Variants in BICC1 observed in about 807,000 individuals in gnomAD.
BICC1 encodes the protein BicC family RNA binding protein 1, also known as protein bicaudal C homolog 1.
In BICC1, 43 loss-of-function variants were observed where a neutral mutation model predicts 111.0. The ratio of observed to expected loss-of-function variants is 0.39; its 90% CI spans 0.30 to 0.50. BICC1 has a LOEUF of 0.50. Ranked by LOEUF, BICC1 falls within the 20% of genes least tolerant of loss-of-function variation. BICC1 has a pLI of 0.88. For synonymous variants in BICC1, 467 were observed against 434.4 expected, an observed-to-expected ratio of 1.07 and a Z score of -0.93; for missense variants, 1,091 against 1,203.2, an observed-to-expected ratio of 0.91 and a Z score of 1.38.
intron 3 of BICC1, among the ~76,000 whole-genome samples, chr10:58,780,538 A>G (rs1229560227): frequency 4.6e-5 from 7 of 152,178 alleles, no homozygotes; most frequent in Admixed American, 1.3e-4. Context: ...TCTATAGCAC[A>G]TTACTCTCTG....
chr10:58,584,805 A>C (rs1271911783), intron 1 of BICC1, among the ~76,000 whole-genome samples: 1 of 151,958 alleles, frequency 6.6e-6, no homozygotes, highest in Non-Finnish European at 1.5e-5. Context: ...TTTTCTTAGC[A>C]CAATGACAGT....
At chr10:58,524,512 A>G (rs1842477754) in intron 1 of BICC1, among the ~76,000 whole-genome samples, 1 of 152,242 alleles carries the variant, frequency 6.6e-6, no homozygotes, top group Non-Finnish European at 1.5e-5. Flanking sequence ...GAAAGCTGAA[A>G]CTGGATCCCT....
intron 2 of BICC1, among the ~76,000 whole-genome samples, chr10:58,631,407 A>T (rs977410610): frequency 5.9e-5 from 9 of 151,788 alleles, no homozygotes; most frequent in African/African-American, 1.9e-4. Context: ...TTTTTTTTAA[A>T]TTCATTGGAT....
At chr10:58,581,998 T>C (rs1416346035) in intron 1 of BICC1, among the ~76,000 whole-genome samples, 5 of 152,160 alleles carry the variant, frequency 3.3e-5, no homozygotes, top group South Asian at 2.1e-4. Flanking sequence ...CATGCATATG[T>C]ATGTGTAACC....
chr10:58,754,868 A>C (rs1213988290), intron 3 of BICC1, among the ~76,000 whole-genome samples: 3 of 152,030 alleles, frequency 2.0e-5, no homozygotes, highest in Non-Finnish European at 2.9e-5. Flanking sequence ...TTGAATGTGA[A>C]AATGCTATTC....
intron 2 of BICC1, among the ~76,000 whole-genome samples, chr10:58,645,698 A>G (rs1838250027): frequency 6.6e-6 from 1 of 152,230 alleles, no homozygotes; most frequent in Non-Finnish European, 1.5e-5. Context: ...TGCGGCAGTC[A>G]TGAAGTTAAA....
At chr10:58,566,349 T>A (rs1649046) in intron 1 of BICC1, among the ~76,000 whole-genome samples, 1 of 151,670 alleles carries the variant, frequency 6.6e-6, no homozygotes, top group East Asian at 1.9e-4. Context: ...TACATACACA[T>A]ATATATATAC....
intron 3 of BICC1, among the ~76,000 whole-genome samples, chr10:58,777,611 C>T (rs1842781466): frequency 6.6e-6 from 1 of 152,048 alleles, no homozygotes; most frequent in African/African-American, 2.4e-5. Flanking sequence ...CCAATCATTG[C>T]CAAAGAGAGC....
At chr10:58,827,090 T>C (rs992307452) in intron 20 of BICC1, among the ~76,000 whole-genome samples, 5 of 152,236 alleles carry the variant, frequency 3.3e-5, no homozygotes, top group African/African-American at 1.2e-4. Flanking sequence ...AAACCCCATG[T>C]GTTTAACATC....
intron 1 of BICC1, among the ~76,000 whole-genome samples, chr10:58,601,836 A>G (rs577631854): frequency 1.3e-5 from 2 of 152,222 alleles, no homozygotes; most frequent in Admixed American, 6.5e-5. Flanking sequence ...GGATGGATTC[A>G]AGGGTTGTAT....
chr10:58,639,961 C>T (rs1173124221), intron 2 of BICC1, among the ~76,000 whole-genome samples: 1 of 152,034 alleles, frequency 6.6e-6, no homozygotes, highest in Non-Finnish European at 1.5e-5. Context: ...GTAATCTTCT[C>T]AAATGCAGTG....
At chr10:58,810,970 G>A (rs1283204812) in intron 17 of BICC1, among the ~76,000 whole-genome samples, 1 of 152,136 alleles carries the variant, frequency 6.6e-6, no homozygotes, top group Non-Finnish European at 1.5e-5. Flanking sequence ...TTTGCTTGAG[G>A]CAAGAATCTG....
chr10:58,659,975 T>C (rs188275273), intron 2 of BICC1, among the ~76,000 whole-genome samples: 2 of 152,212 alleles, frequency 1.3e-5, no homozygotes, highest in Non-Finnish European at 2.9e-5. Context: ...GTGGTTCTTA[T>C]AAGGAGGATT....
chr10:58,520,068 C>T (rs1330993494), intron 1 of BICC1, among the ~76,000 whole-genome samples: 1 of 152,050 alleles, frequency 6.6e-6, no homozygotes, highest in Non-Finnish European at 1.5e-5. Flanking sequence ...TTGTTCAGAA[C>T]CGTTTTGGAG....
chr10:58,553,473 G>A (rs1843356092), intron 1 of BICC1, among the ~76,000 whole-genome samples: 1 of 152,126 alleles, frequency 6.6e-6, no homozygotes, highest in South Asian at 2.1e-4. Flanking sequence ...GTTTCCAGTA[G>A]GATTGCAGTC....
chr10:58,684,088 C>T (rs1278330191), intron 2 of BICC1, among the ~76,000 whole-genome samples: 8 of 152,094 alleles, frequency 5.3e-5, no homozygotes, highest in Non-Finnish European at 1.0e-4. Context: ...GCATGAAGCG[C>T]TGTTGAATTT....
At chr10:58,646,136 C>A (rs567695421) in intron 2 of BICC1, among the ~76,000 whole-genome samples, 4 of 148,422 alleles carry the variant, frequency 2.7e-5, no homozygotes, top group Non-Finnish European at 6.0e-5. Context: ...TTTGTTCATT[C>A]GTTTTTGTTT....
intron 3 of BICC1, among the ~76,000 whole-genome samples, chr10:58,777,061 T>A (rs1266421547): frequency 2.0e-5 from 3 of 151,768 alleles, no homozygotes; most frequent in Admixed American, 1.3e-4. Flanking sequence ...TAAGGTAGTT[T>A]ATCCTTTTCC....
intron 2 of BICC1, among the ~76,000 whole-genome samples, chr10:58,687,243 C>G (rs761107712): frequency 2.6e-5 from 4 of 152,190 alleles, no homozygotes; most frequent in Non-Finnish European, 4.4e-5. Flanking sequence ...AGTTTTGTCT[C>G]AGAGGGGCAC....
Sources: allele counts gnomAD v4.1 joint callset (sites outside exome capture counted in the v4.1 genomes callset), GRCh38; gene constraint gnomAD v4.1.1; transcripts MANE v1.5; gene names NCBI Gene and HGNC (gene_info 2026-07-23, HGNC 2026-07-21).